The following GPHN variants were observed in gnomAD, a reference collection of about 807,000 sequenced individuals.
GPHN encodes gephyrin.
A neutral mutation model predicts 95.5 loss-of-function variants in GPHN; 17 were observed. The ratio of observed to expected loss-of-function variants is 0.18; its 90% confidence interval spans 0.12 to 0.27. The LOEUF is 0.27. Among genes scored for constraint, GPHN ranks in the 10% least tolerant of loss-of-function variants. The probability of loss-of-function intolerance (pLI) is 1.00; values close to 1 mark genes in which losing one functional copy is unlikely to be tolerated. For synonymous variants in GPHN, 320 were observed against 322.5 expected (o/e 0.99, Z 0.08); for missense variants, 660 against 978.1 (o/e 0.67, Z 4.34).
At chr14:66,901,416 T>G (rs2065125369) in intron 5 of GPHN, among the ~76,000 whole-genome samples, 1 of 152,124 alleles carries the variant, frequency 6.6e-6, no homozygotes, top group South Asian at 2.1e-4. Context: ...TTGCTTTTGT[T>G]GCTTGTGGTT....
the GPHN span, among the ~76,000 whole-genome samples, chr14:67,234,203 C>T: frequency 6.6e-6 from 1 of 152,132 alleles, no homozygotes; most frequent in Non-Finnish European, 1.5e-5. Flanking sequence ...AGACAGCTAG[C>T]AATTGACAGA....
At chr14:67,031,641 C>T (rs1488449738) in intron 10 of GPHN, among the ~76,000 whole-genome samples, 1 of 152,122 alleles carries the variant, frequency 6.6e-6, no homozygotes, top group African/African-American at 2.4e-5. Context: ...GATTGTATCT[C>T]ACTATGTTGC....
chr14:66,588,977 C>T (rs1339807598), intron 1 of GPHN, among the ~76,000 whole-genome samples: 1 of 151,928 alleles, frequency 6.6e-6, no homozygotes, highest in Non-Finnish European at 1.5e-5. Flanking sequence ...TAAGGGCAGC[C>T]AGAGAGAAAG....
the GPHN span, among the ~76,000 whole-genome samples, chr14:67,332,137 TTGAGG>T: frequency 6.6e-6 from 1 of 152,186 alleles, no homozygotes. Context: ...CAGGGGTGAT[TTGAGG>T]TGAGTTTCAC....
chr14:67,157,176 A>G (rs2081646263), intron 18 of GPHN, among the ~76,000 whole-genome samples: 1 of 152,092 alleles, frequency 6.6e-6, no homozygotes, highest in Admixed American at 6.6e-5. Flanking sequence ...TATATTGATA[A>G]CAGAGAAAAT....
chr14:66,666,305 A>G (rs1183986666), intron 1 of GPHN, among the ~76,000 whole-genome samples: 1 of 150,828 alleles, frequency 6.6e-6, no homozygotes, highest in African/African-American at 2.4e-5. Context: ...ACCACCCAAA[A>G]AAGGAAAAGA....
the GPHN span, among the ~76,000 whole-genome samples, chr14:67,264,936 T>A: frequency 5.9e-5 from 9 of 151,500 alleles, no homozygotes; most frequent in African/African-American, 1.5e-4. Flanking sequence ...GGAATCATAT[T>A]TTTTTTTTCC....
intron 1 of GPHN, among the ~76,000 whole-genome samples, chr14:66,637,625 A>G (rs750647189): frequency 1.1e-4 from 16 of 152,188 alleles, no homozygotes; most frequent in Non-Finnish European, 1.5e-5. Flanking sequence ...AATTTAACAA[A>G]CACTTAAAAG....
chr14:67,676,007 G>A, the GPHN span, among the ~76,000 whole-genome samples: 2 of 152,200 alleles, frequency 1.3e-5, no homozygotes, highest in African/African-American at 4.8e-5. Flanking sequence ...TGAGGCAGGA[G>A]AATCGCCTGA....
At chr14:67,313,369 CA>C in the GPHN span, among the ~76,000 whole-genome samples, 2 of 152,170 alleles carry the variant, frequency 1.3e-5, no homozygotes, top group South Asian at 4.1e-4. Flanking sequence ...AGTGTATTTA[CA>C]CAAACCTAGA....
intron 8 of GPHN, among the ~76,000 whole-genome samples, chr14:66,956,514 G>A (rs1388650413): frequency 6.6e-6 from 1 of 151,838 alleles, no homozygotes; most frequent in African/African-American, 2.4e-5. Flanking sequence ...GTGTAAAAGT[G>A]TTCCTATTTC....
chr14:67,221,467 G>A, the GPHN span, among the ~76,000 whole-genome samples: 3 of 152,228 alleles, frequency 2.0e-5, no homozygotes, highest in Non-Finnish European at 4.4e-5. Context: ...GGACAAGGAG[G>A]CGGCAGTGTT....
intron 11 of GPHN, among the ~76,000 whole-genome samples, chr14:67,070,715 A>AAAAAATATATATATATATATATATAT: frequency 1.2e-5 from 1 of 80,696 alleles, no homozygotes; most frequent in East Asian, 4.5e-4. Context: ...AAAAAAAAAA[A>AAAAAATATATATATATATATATATAT]ATATATATAT....
At chr14:66,814,945 T>G (rs1019705526) in intron 3 of GPHN, among the ~76,000 whole-genome samples, 6 of 151,950 alleles carry the variant, frequency 3.9e-5, no homozygotes, top group South Asian at 2.1e-4. Flanking sequence ...ACAGACAAAA[T>G]AGCCAGTACT....
At chr14:66,783,300 G>C (rs1229524940) in intron 3 of GPHN, among the ~76,000 whole-genome samples, 1 of 152,042 alleles carries the variant, frequency 6.6e-6, no homozygotes, top group Non-Finnish European at 1.5e-5. Flanking sequence ...GGCTGAGTAG[G>C]GAGCTATTCT....
chr14:67,465,942 A>G, the GPHN span, among the ~76,000 whole-genome samples: 1 of 152,210 alleles, frequency 6.6e-6, no homozygotes, highest in Non-Finnish European at 1.5e-5. Flanking sequence ...GATTGCCGGC[A>G]GCCACCAGAG....
chr14:67,121,157 ACTT>A (rs773247446), intron 16 of GPHN, among the ~76,000 whole-genome samples: 4 of 152,150 alleles, frequency 2.6e-5, no homozygotes, highest in Non-Finnish European at 4.4e-5. Context: ...TCAAGTAAGT[ACTT>A]CTTTTTTTAC....
chr14:67,030,521 T>G (rs2074144592), intron 10 of GPHN, among the ~76,000 whole-genome samples: 1 of 152,154 alleles, frequency 6.6e-6, no homozygotes, highest in African/African-American at 2.4e-5. Flanking sequence ...ATATGAACAT[T>G]TCAATTTGCA....
In GPHN at chr14:66,965,275, C is replaced by T. The variant is rs757052160; in HGVS notation, c.913C>T (p.Arg305Cys). The T allele has an allele frequency of 4.3e-6, 7 of 1,613,052 alleles. No individual in the cohort carries two copies. The highest frequency in any genetic ancestry group is 1.3e-5 in the African/African-American group (1 of 74,864). ...CAGCACTACTCCTTCAGAATCGCCT[C>T]GTGCTCAGGCTACATCTCGCCTCTC... ...SLSTTPSESP[R>C]AQATSRLSTA... Residue 305 changes from arginine (R) to cysteine (C), a missense_variant, in exon 9 of 23, where the codon CGT becomes TGT. Around this residue, in one of 6 missense-constraint regions of GPHN, gnomAD observed 190 missense variants for 224.7 expected, o/e 0.85. Coordinates refer to ENST00000478722, the MANE Select transcript of GPHN (RefSeq NM_020806.5).
Sources: gnomAD v4.1 joint callset for allele counts (sites outside exome capture counted in the v4.1 genomes callset) on GRCh38, gnomAD v4.1.1 for gene constraint, gnomAD v4.1.1 regional missense constraint, MANE v1.5 for transcripts, NCBI Gene and HGNC (gene_info 2026-07-23, HGNC 2026-07-21) for gene names.